Variants in XRN2 observed in about 807,000 individuals in gnomAD.
XRN2 encodes the protein DHM1-like protein.
In XRN2, 44 loss-of-function variants were observed where a neutral mutation model predicts 138.5. The ratio of observed to expected loss-of-function variants is 0.32; its 90% CI spans 0.25 to 0.41. The LOEUF is 0.41. Ranked by LOEUF, XRN2 falls within the 10% of genes least tolerant of loss-of-function variation. The pLI, the probability that XRN2 is intolerant of heterozygous loss-of-function variation, is 1.00. For synonymous variants in XRN2, 354 were observed against 369.4 expected, an observed-to-expected ratio of 0.96 and a Z score of 0.48; for missense variants, 937 against 1,169.3, an observed-to-expected ratio of 0.80 and a Z score of 2.90.
chr20:21,330,729 C>T (rs1473491104), intron 6 of XRN2, 24 bp downstream of exon 6: 2 of 1,588,314 alleles, frequency 1.3e-6, no homozygotes, highest in East Asian at 2.2e-5. Context: ...TTTGATACTT[C>T]AGAAAGATTA....
chr20:21,333,864 A>G lies in XRN2; in HGVS notation c.1067+27A>G, dbSNP rs776226615. On this transcript the variant is annotated intron_variant, in intron 11 of 29. Transcript: ENST00000377191. ...TATGTGCATTTGTGTAGCTTTTCAAACGACTGTTTTAGGCTTCTTGACTTT... is the reference window on the plus strand; with the variant it reads ...TATGTGCATTTGTGTAGCTTTTCAAGCGACTGTTTTAGGCTTCTTGACTTT... 8.1e-6 allele frequency: 13 copies of G among 1,613,920 alleles called. No individual in the cohort carries two copies. The Admixed American group carries it at 8.3e-5, about 10-fold the overall frequency.
At chr20:21,335,962 G>A (rs551893721) in intron 13 of XRN2, among the ~76,000 whole-genome samples, 22 of 152,252 alleles carry the variant, frequency 1.4e-4, no homozygotes, top group African/African-American at 5.3e-4. Context: ...CCTCAAAAAC[G>A]CAATAGGAAA....
chr20:21,317,656 G>T (rs2037978646), intron 1 of XRN2, among the ~76,000 whole-genome samples: 1 of 152,088 alleles, frequency 6.6e-6, no homozygotes, highest in Admixed American at 6.5e-5. Flanking sequence ...AATAGTCTCT[G>T]GGTTACTTAA....
intron 24 of XRN2, among the ~76,000 whole-genome samples, chr20:21,361,615 A>G (rs2038637859): frequency 6.6e-6 from 1 of 152,106 alleles, no homozygotes; most frequent in African/African-American, 2.4e-5. Context: ...AGTGTTACTT[A>G]CTACTTCCCT....
At chr20:21,370,864 T>G (rs1458262609) in intron 27 of XRN2, among the ~76,000 whole-genome samples, 1 of 152,240 alleles carries the variant, frequency 6.6e-6, no homozygotes, top group Non-Finnish European at 1.5e-5. Flanking sequence ...TTGTAAGTCA[T>G]GTGCCAGTGT....
chr20:21,368,389 T>A, intron 26 of XRN2, 74 bp from the exon 27 acceptor site: 1 of 1,561,472 alleles, frequency 6.4e-7, no homozygotes, highest in Non-Finnish European at 8.7e-7. Context: ...AGCATTTGTT[T>A]TATTTGTGTC....
intron 24 of XRN2, among the ~76,000 whole-genome samples, chr20:21,360,183 A>G (rs1455814588): frequency 6.6e-6 from 1 of 152,048 alleles, no homozygotes; most frequent in Non-Finnish European, 1.5e-5. Flanking sequence ...GGGTAAGTGC[A>G]TATGTGTGCT....
At chr20:21,363,290 C>T (rs1340702172) in intron 24 of XRN2, among the ~76,000 whole-genome samples, 1 of 152,146 alleles carries the variant, frequency 6.6e-6, no homozygotes, top group Non-Finnish European at 1.5e-5. Context: ...TCCCTCCCAC[C>T]GTGAACCGTG....
chr20:21,311,618 T>G lies in XRN2; in HGVS notation c.75+8145T>G, dbSNP rs934160123. ...TCATTGGATCATGTAATTCTGTGTT[T>G]AGCATTTTGAGGAACCACCAAACTG... On this transcript the variant is annotated intron_variant, in intron 1 of 29. Coordinates refer to ENST00000377191, the MANE Select transcript of XRN2 (RefSeq NM_012255.5). Among the ~76,000 whole-genome samples the G allele has an allele frequency of 3.3e-5, 5 of 152,212 alleles. 1 individual carries two copies. Among genetic ancestry groups the G allele is most frequent in the African/African-American group, 1.2e-4 (5 of 41,452 alleles).
At chr20:21,329,104 A>G (rs2038167172) in intron 4 of XRN2, among the ~76,000 whole-genome samples, 1 of 152,226 alleles carries the variant, frequency 6.6e-6, no homozygotes, top group African/African-American at 2.4e-5. Context: ...CTATCTGAGG[A>G]AGCCGGAGGT....
intron 20 of XRN2, among the ~76,000 whole-genome samples, chr20:21,352,034 C>T (rs2122265213): frequency 6.6e-6 from 1 of 152,288 alleles, no homozygotes; most frequent in South Asian, 2.1e-4. Context: ...GTTGAGATTT[C>T]ACATGAATTT....
intron 21 of XRN2, among the ~76,000 whole-genome samples, chr20:21,355,198 A>C (rs936332113): frequency 3.3e-5 from 5 of 152,188 alleles, no homozygotes; most frequent in African/African-American, 4.8e-5. Context: ...GATATTATTC[A>C]TTTTCTCCAT....
At chr20:21,338,958 TTGTCTCCCAAATCA>T (rs1368636546) in intron 13 of XRN2, 72 bp from the exon 14 acceptor site, 2 of 1,316,590 alleles carry the variant, frequency 1.5e-6, no homozygotes, top group Non-Finnish European at 2.2e-6. Flanking sequence ...AAAACTTAAG[TTGTCTCCCAAATCA>T]TTCCTGGTAA....
intron 27 of XRN2, among the ~76,000 whole-genome samples, chr20:21,379,294 A>G (rs2038857867): frequency 6.6e-6 from 1 of 152,216 alleles, no homozygotes; most frequent in South Asian, 2.1e-4. Context: ...AGAGCCATAC[A>G]AATGAATGAT....
At chr20:21,383,868 T>C (rs2038911138) in intron 28 of XRN2, among the ~76,000 whole-genome samples, 1 of 152,196 alleles carries the variant, frequency 6.6e-6, no homozygotes, top group Admixed American at 6.5e-5. Flanking sequence ...ATACTTAAAA[T>C]TATGCCTGAA....
At chr20:21,338,067 G>A (rs1215272175) in intron 13 of XRN2, among the ~76,000 whole-genome samples, 2 of 152,072 alleles carry the variant, frequency 1.3e-5, no homozygotes, top group Non-Finnish European at 1.5e-5. Context: ...TTATGTATCC[G>A]GCATTCAGCT....
In XRN2 at chr20:21,340,790, G is replaced by A. The variant is rs185279122; in HGVS notation, c.1348G>A (p.Gly450Ser). 1.2e-6 allele frequency: 2 copies of A among 1,613,998 alleles called. No homozygotes were observed. The highest frequency in any genetic ancestry group is 4.5e-5 in the East Asian group (2 of 44,858). The change falls in exon 15 of 30, where the codon GGT becomes AGT. Residue 450 changes from glycine (G) to serine (S), a missense_variant. By Grantham distance (56) the Gly-to-Ser change is moderately conservative (BLOSUM62 0). Around this residue, in one of 6 missense-constraint regions of XRN2, gnomAD observed 471 missense variants for 581.2 expected, o/e 0.81. Transcript: ENST00000377191. Reference protein sequence around the residue: ...PHALGSRNSPGSQVASNPRQA... With the variant: ...PHALGSRNSPSSQVASNPRQA... ...TGCCTTGGGTTCAAGAAATTCACCA[G>A]GTTCTCAAGTAGCCAGTAATCCGAG...
At chr20:21,365,732 T>G (rs1483974854) in intron 26 of XRN2, 28 bp downstream of exon 26, 2 of 1,564,246 alleles carry the variant, frequency 1.3e-6, no homozygotes, top group Non-Finnish European at 1.7e-6. Context: ...AGCCCTTGTA[T>G]ATTTTGCTTT....
At chr20:21,343,976 T>C in intron 15 of XRN2, 114 bp from the exon 16 acceptor site, 1 of 719,948 alleles carries the variant, frequency 1.4e-6, no homozygotes. Context: ...CATCTCTATG[T>C]AGTAGCTTTA....
Sources: allele counts gnomAD v4.1 joint callset (sites outside exome capture counted in the v4.1 genomes callset), GRCh38; gene constraint gnomAD v4.1.1; regional missense constraint gnomAD v4.1.1; transcripts MANE v1.5; gene names NCBI Gene and HGNC (gene_info 2026-07-23, HGNC 2026-07-21).